IL1R2: variants seen among roughly 807,000 people sequenced by gnomAD.
IL1R2 encodes interleukin 1 receptor type 2.
Under a neutral mutation model 39.5 loss-of-function variants are expected in IL1R2, and 46 were observed. That is an observed-to-expected ratio of 1.16 (90% CI 0.92 to 1.49). IL1R2 has a LOEUF of 1.49. Among genes scored for constraint, IL1R2 ranks in the 40% most tolerant of loss-of-function variants. IL1R2 has a pLI of 0.00. For missense variants in IL1R2, 537 were observed against 502.0 expected (o/e 1.07, Z -0.67); for synonymous variants, 207 against 189.6 (o/e 1.09, Z -0.75).
chr2:102,005,309 C>T (rs1348772819), intron 1 of IL1R2, among the ~76,000 whole-genome samples: 1 of 152,102 alleles, frequency 6.6e-6, no homozygotes, highest in African/African-American at 2.4e-5. Flanking sequence ...TTAGAGTCAA[C>T]CAGCAGAAAC....
At chr2:101,994,324 C>G (rs371134939) in intron 1 of IL1R2, among the ~76,000 whole-genome samples, 26 of 152,230 alleles carry the variant, frequency 1.7e-4, no homozygotes, top group African/African-American at 6.0e-4. Context: ...CCCGAGCCCC[C>G]CTCCCCTCCC....
chr2:101,995,210 TG>T (rs1675528496), intron 1 of IL1R2, among the ~76,000 whole-genome samples: 1 of 152,112 alleles, frequency 6.6e-6, no homozygotes, highest in Non-Finnish European at 1.5e-5. Flanking sequence ...ATGTGCTGGG[TG>T]GGCCTGACAT....
intron 3 of IL1R2, among the ~76,000 whole-genome samples, chr2:102,012,683 C>A (rs569993769): frequency 6.6e-6 from 1 of 152,168 alleles, no homozygotes; most frequent in African/African-American, 2.4e-5. Context: ...ATGAACCTTG[C>A]CTAAGAAGCA....
chr2:102,011,436 T>A (rs1676628257), intron 3 of IL1R2, among the ~76,000 whole-genome samples: 1 of 152,206 alleles, frequency 6.6e-6, no homozygotes, highest in African/African-American at 2.4e-5. Context: ...TCCTAATGGG[T>A]GTGAAGGGGT....
chr2:102,002,928 C>T (rs1675988632), intron 1 of IL1R2, among the ~76,000 whole-genome samples: 1 of 142,410 alleles, frequency 7.0e-6, no homozygotes, highest in Non-Finnish European at 1.5e-5. Context: ...ACATGTATAT[C>T]TCTGTCTGTG....
chr2:102,013,175 A>G (rs1676743267), intron 3 of IL1R2, among the ~76,000 whole-genome samples: 1 of 152,168 alleles, frequency 6.6e-6, no homozygotes, highest in African/African-American at 2.4e-5. Context: ...TGTAGGAAAA[A>G]AAAAGCTGAG....
chr2:102,007,344 C>T (rs1458537859), intron 1 of IL1R2, among the ~76,000 whole-genome samples: 2 of 152,148 alleles, frequency 1.3e-5, no homozygotes, highest in East Asian at 3.9e-4. Flanking sequence ...TAGCAGGACA[C>T]CAAATCTCTT....
rs541193339 is a variant in IL1R2, at chr2:102,018,487, C to T, written c.514-1151C>T. On this transcript the variant is annotated intron_variant, in intron 4 of 8. Coordinates refer to ENST00000332549, the MANE Select transcript of IL1R2 (RefSeq NM_004633.4). ...TAAATGGAATCATGTGTATGAAGCA[C>T]CCGGTGCAGTGCTTGACATATAAAT... Among the ~76,000 whole-genome samples the T allele has an allele frequency of 1.8e-3, 279 of 152,288 alleles. 3 individuals carry two copies. The highest frequency in any genetic ancestry group is 6.6e-3 in the African/African-American group (273 of 41,556).
In IL1R2 at chr2:102,009,764, C is replaced by T. The variant is rs772720130; in HGVS notation, c.270C>T (p.Asp90=). ...AAGAGACACGGATGTGGGCCCAGGACGGTGCTCTGTGGCTTCTGCCAGCCT... is the reference window on the plus strand; with the variant it reads ...AAGAGACACGGATGTGGGCCCAGGATGGTGCTCTGTGGCTTCTGCCAGCCT... ...GEEETRMWAQ[D]GALWLLPALQ... is the part of the protein sequence containing the mutation. The change falls in exon 3 of 9, where the codon GAC becomes GAT. Residue 90 remains aspartate (D), a synonymous_variant. Coordinates refer to ENST00000332549, the MANE Select transcript of IL1R2 (RefSeq NM_004633.4). The T allele has an allele frequency of 3.7e-6, 6 of 1,614,182 alleles. No individual in the cohort carries two copies. Among genetic ancestry groups the T allele is most frequent in the Admixed American group, 1.7e-5 (1 of 60,030 alleles).
At chr2:102,013,122 C>G (rs1239630468) in intron 3 of IL1R2, among the ~76,000 whole-genome samples, 1 of 152,096 alleles carries the variant, frequency 6.6e-6, no homozygotes, top group Non-Finnish European at 1.5e-5. Flanking sequence ...GAGATGTGAG[C>G]TGAGTTCTGT....
At chr2:101,993,898 G>A (rs1675462329) in intron 1 of IL1R2, among the ~76,000 whole-genome samples, 2 of 152,072 alleles carry the variant, frequency 1.3e-5, no homozygotes, top group African/African-American at 2.4e-5. Context: ...TCCCAGCGCC[G>A]CATGGCTGCA....
intron 6 of IL1R2, chr2:102,023,458 G>A (rs1677521375): frequency 6.6e-6 from 1 of 152,202 alleles, no homozygotes; most frequent in South Asian, 2.1e-4. Context: ...ATGGGTGGTG[G>A]GGCCACGTGA....
chr2:102,008,891 G>A (rs1676442164), intron 2 of IL1R2, among the ~76,000 whole-genome samples: 1 of 151,144 alleles, frequency 6.6e-6, no homozygotes, highest in Admixed American at 6.6e-5. Flanking sequence ...AGTTGGGCGT[G>A]GTGGTGCGTG....
rs3218961 is a variant in IL1R2, at chr2:102,022,183, T to A, written c.689-4T>A. On this transcript the variant is annotated splice_region_variant and splice_polypyrimidine_tract_variant and intron_variant, in intron 5 of 8. Transcript: ENST00000332549. Reference sequence around the variant, plus strand: ...GGAATCTCTTTTCCTTACATCTTTCTCAGAAAAAAAAGAAGAGACCATTCC... The same window carrying A: ...GGAATCTCTTTTCCTTACATCTTTCACAGAAAAAAAAGAAGAGACCATTCC... The A allele has an allele frequency of 6.2e-7, 1 of 1,611,494 alleles. No homozygotes were observed. The highest frequency in any genetic ancestry group is 8.5e-7 in the Non-Finnish European group (1 of 1,177,744).
At chr2:101,997,587 T>G (rs1577676668) in intron 1 of IL1R2, among the ~76,000 whole-genome samples, 1 of 152,178 alleles carries the variant, frequency 6.6e-6, no homozygotes, top group African/African-American at 2.4e-5. Flanking sequence ...GGTCATCTTG[T>G]CTTTCATCAT....
chr2:102,010,449 G>A (rs1257872635), intron 3 of IL1R2, among the ~76,000 whole-genome samples: 4 of 152,160 alleles, frequency 2.6e-5, no homozygotes, highest in East Asian at 1.9e-4. Flanking sequence ...GGTGGCGGGC[G>A]CCTGTAGTCC....
intron 6 of IL1R2, among the ~76,000 whole-genome samples, chr2:102,024,204 T>C (rs1677584975): frequency 6.6e-6 from 1 of 152,068 alleles, no homozygotes; most frequent in Non-Finnish European, 1.5e-5. Context: ...GATCTGGATT[T>C]TCTGAGGTAA....
intron 5 of IL1R2, chr2:102,021,977 C>G: frequency 1.8e-6 from 1 of 560,596 alleles, no homozygotes; most frequent in Non-Finnish European, 3.3e-6. Flanking sequence ...GCTGTGGCCT[C>G]TTCCAGTAAT....
chr2:102,024,723 G>T, intron 7 of IL1R2, 55 bp downstream of exon 7: 1 of 1,610,390 alleles, frequency 6.2e-7, no homozygotes, highest in South Asian at 1.1e-5. Flanking sequence ...TCTTCCTTTT[G>T]GAGACAGTTA....
Sources: gnomAD v4.1 joint callset for allele counts (sites outside exome capture counted in the v4.1 genomes callset) on GRCh38, gnomAD v4.1.1 for gene constraint, MANE v1.5 for transcripts, NCBI Gene and HGNC (gene_info 2026-07-23, HGNC 2026-07-21) for gene names.